Variants in EXOC6B observed in about 807,000 individuals in gnomAD.
The protein encoded by EXOC6B is SEC15 homolog B.
In EXOC6B, 54 loss-of-function variants were observed where a neutral mutation model predicts 113.5. That is an observed-to-expected ratio of 0.48 (90% CI 0.38 to 0.60). EXOC6B has a LOEUF of 0.60. Among genes scored for constraint, EXOC6B ranks in the 20% least tolerant of loss-of-function variants. The pLI is 0.00. For synonymous variants in EXOC6B, 357 were observed against 339.0 expected (o/e 1.05, Z -0.58); for missense variants, 797 against 977.5 (o/e 0.82, Z 2.46).
chr2:72,730,252 A>G (rs925557448), intron 5 of EXOC6B, among the ~76,000 whole-genome samples: 1 of 152,196 alleles, frequency 6.6e-6, no homozygotes, highest in Non-Finnish European at 1.5e-5. Context: ...GTCAAACATT[A>G]TTCTAGATGT....
At chr2:72,789,741 T>C (rs1435215710) in intron 1 of EXOC6B, among the ~76,000 whole-genome samples, 3 of 152,062 alleles carry the variant, frequency 2.0e-5, no homozygotes, top group East Asian at 3.8e-4. Flanking sequence ...AGAGGAAAAA[T>C]GTATATAGAT....
intron 18 of EXOC6B, among the ~76,000 whole-genome samples, chr2:72,408,271 G>A (rs1250193028): frequency 6.6e-6 from 1 of 152,136 alleles, no homozygotes; most frequent in Non-Finnish European, 1.5e-5. Context: ...AATCAATATC[G>A]TGAAAATGGC....
At chr2:72,331,461 C>A (rs912551655) in intron 20 of EXOC6B, among the ~76,000 whole-genome samples, 9 of 152,010 alleles carry the variant, frequency 5.9e-5, no homozygotes, top group African/African-American at 2.2e-4. Flanking sequence ...CAATTATGAA[C>A]CATTAAAGGT....
At chr2:72,179,739 C>T (rs186075788) in intron 21 of EXOC6B, among the ~76,000 whole-genome samples, 41 of 152,216 alleles carry the variant, frequency 2.7e-4, no homozygotes, top group Non-Finnish European at 5.1e-4. Flanking sequence ...CCACCTAATT[C>T]ATTCTCTTCT....
At chr2:72,644,044 C>G (rs1021281890) in intron 6 of EXOC6B, among the ~76,000 whole-genome samples, 1 of 151,974 alleles carries the variant, frequency 6.6e-6, no homozygotes, top group Admixed American at 6.6e-5. Flanking sequence ...AGCTGAAAAC[C>G]TTGAAAAAAG....
chr2:72,732,474 T>C (rs930655618), intron 3 of EXOC6B, among the ~76,000 whole-genome samples: 1 of 152,138 alleles, frequency 6.6e-6, no homozygotes, highest in Non-Finnish European at 1.5e-5. Flanking sequence ...GGTTGATTAA[T>C]CTTTTAAATA....
intron 7 of EXOC6B, among the ~76,000 whole-genome samples, chr2:72,573,853 C>A (rs112024843): frequency 0.026 from 3,895 of 152,200 alleles, 174 homozygotes; most frequent in African/African-American, 0.088. Context: ...CGGTGGCTCA[C>A]GCCTATAATC....
chr2:72,508,763 A>C (rs191120720), intron 11 of EXOC6B, among the ~76,000 whole-genome samples: 3 of 152,050 alleles, frequency 2.0e-5, no homozygotes, highest in South Asian at 4.2e-4. Context: ...GACAGGCAAG[A>C]CTCTGTCTCA....
At chr2:72,439,053 C>T (rs757681418) in intron 18 of EXOC6B, among the ~76,000 whole-genome samples, 41 of 152,158 alleles carry the variant, frequency 2.7e-4, no homozygotes, top group Non-Finnish European at 4.7e-4. Flanking sequence ...AAGCTGTTAC[C>T]TTGGGTATCT....
chr2:72,761,250 T>A (rs1276490683), intron 1 of EXOC6B, among the ~76,000 whole-genome samples: 1 of 152,292 alleles, frequency 6.6e-6, no homozygotes, highest in South Asian at 2.1e-4. Context: ...TCATTACTCT[T>A]CCATTATCAA....
At chr2:72,308,990 A>G (rs1395869104) in intron 20 of EXOC6B, among the ~76,000 whole-genome samples, 1 of 152,150 alleles carries the variant, frequency 6.6e-6, no homozygotes, top group Non-Finnish European at 1.5e-5. Flanking sequence ...TTAACATACA[A>G]GATGACAAAT....
At chr2:72,702,142 G>C (rs1475263446) in intron 6 of EXOC6B, among the ~76,000 whole-genome samples, 7 of 147,868 alleles carry the variant, frequency 4.7e-5, no homozygotes, top group Non-Finnish European at 1.5e-5. Context: ...TCATTGTTCA[G>C]TTCCCACCTA....
chr2:72,766,878 C>G (rs1573762037), intron 1 of EXOC6B, among the ~76,000 whole-genome samples: 1 of 148,232 alleles, frequency 6.7e-6, no homozygotes, highest in South Asian at 2.2e-4. Context: ...CGCTTGAAAC[C>G]GGGAGGCAGA....
intron 18 of EXOC6B, among the ~76,000 whole-genome samples, chr2:72,426,965 T>A (rs1695233019): frequency 6.6e-6 from 1 of 152,194 alleles, no homozygotes; most frequent in Non-Finnish European, 1.5e-5. Context: ...GCCACCCTCG[T>A]GCAGCCAGAC....
chr2:72,452,870 C>T lies in EXOC6B; in HGVS notation c.1980+12290G>A, dbSNP rs189128189. Reference sequence around the variant, plus strand: ...CATAAAAATAAACTCTGCCTATGTTCTTCCACTGCTGCTCTTCTTTATAAT... The same window carrying T: ...CATAAAAATAAACTCTGCCTATGTTTTTCCACTGCTGCTCTTCTTTATAAT... On this transcript the variant is annotated intron_variant, in intron 18 of 21. Transcript: ENST00000272427. Among the ~76,000 whole-genome samples, 438 of 152,276 alleles carry T rather than the reference C, an allele frequency of 2.9e-3. 1 individual carries two copies. The highest frequency in any genetic ancestry group is 1.0e-2 in the African/African-American group (415 of 41,568).
Position 72,728,304 on chromosome 2 carries a change from T to C in EXOC6B, c.464+2703A>G, listed in dbSNP as rs112690624. 1.4e-4 allele frequency among the ~76,000 whole-genome samples: 22 copies of C among 152,308 alleles called. 2 individuals are homozygous for C. Among genetic ancestry groups the C allele is most frequent in the African/African-American group, 4.6e-4 (19 of 41,576 alleles). On this transcript the variant is annotated intron_variant, in intron 5 of 21. Coordinates refer to ENST00000272427, the MANE Select transcript of EXOC6B (RefSeq NM_015189.3). ...CAGAAATGATCCCAGCCAGACCTAT[T>C]CAATCAGAATCTATATTTAACTAAT... is the stretch of plus-strand genomic sequence containing the variant.
Position 72,214,881 on chromosome 2 carries a change from C to T in EXOC6B, c.2197-30694G>A, listed in dbSNP as rs571879693. Reference sequence around the variant, plus strand: ...CTTTGGGGTTGTGAACTCTTTAAAACAAACAGTTGAGGTCATTGTTAATGG... The same window carrying T: ...CTTTGGGGTTGTGAACTCTTTAAAATAAACAGTTGAGGTCATTGTTAATGG... On this transcript the variant is annotated intron_variant, in intron 20 of 21. Transcript: ENST00000272427. Among the ~76,000 whole-genome samples, 4 of 152,276 alleles carry T rather than the reference C, an allele frequency of 2.6e-5. No individual in the cohort carries two copies. In the South Asian group the frequency reaches 8.3e-4, roughly 32 times the overall value.
intron 6 of EXOC6B, among the ~76,000 whole-genome samples, chr2:72,680,862 T>C (rs1432671288): frequency 6.6e-6 from 1 of 152,138 alleles, no homozygotes; most frequent in Non-Finnish European, 1.5e-5. Flanking sequence ...ATCAAGTCAA[T>C]TCTAGGGGAA....
Position 72,741,316 on chromosome 2 carries a change from G to A in EXOC6B, c.267C>T (p.Ala89=). The change falls in exon 2 of 22, where the codon GCC becomes GCT. Residue 89 remains alanine, a synonymous_variant. Transcript: ENST00000272427. ...ITELLKVRGE[A]QKLKNQVTDT... ...AGAGCCTTCTTACTTTGAGTTTCTGGGCTTCTCCTCTCACTTTCAGCAGTT... is the reference window on the plus strand; with the variant it reads ...AGAGCCTTCTTACTTTGAGTTTCTGAGCTTCTCCTCTCACTTTCAGCAGTT... 1 of 1,611,598 alleles carries A rather than the reference G, an allele frequency of 6.2e-7. No individual in the cohort carries two copies. The highest frequency in any genetic ancestry group is 8.5e-7 in the Non-Finnish European group (1 of 1,179,306).
Sources: allele counts gnomAD v4.1 joint callset (sites outside exome capture counted in the v4.1 genomes callset), GRCh38; gene constraint gnomAD v4.1.1; transcripts MANE v1.5; gene names NCBI Gene and HGNC (gene_info 2026-07-23, HGNC 2026-07-21).